Variants in RNF212B observed in about 807,000 individuals in gnomAD.
RNF212B encodes ring finger protein 212B.
Under a neutral mutation model 55.5 loss-of-function variants are expected in RNF212B, and 52 were observed. That is an observed-to-expected ratio of 0.94 (90% CI 0.75 to 1.18). RNF212B has a LOEUF of 1.18. Among genes scored for constraint, RNF212B ranks in the 50% most tolerant of loss-of-function variants. RNF212B has a pLI of 0.00. For synonymous variants in RNF212B, 99 were observed against 121.4 expected (o/e 0.82, Z 1.21); for missense variants, 289 against 350.4 (o/e 0.82, Z 1.40).
At chr14:23,236,555 AAAC>A (rs889945097), upstream of RNF212B, among the ~76,000 whole-genome samples, 85 of 152,218 alleles carry the variant, frequency 5.6e-4, no homozygotes, top group African/African-American at 1.9e-3. Flanking sequence ...AAAAAACCCC[AAAC>A]AACAACAACA....
At chr14:23,230,511 G>C (rs967173226) in intron 2 of RNF212B, among the ~76,000 whole-genome samples, 12 of 151,818 alleles carry the variant, frequency 7.9e-5, no homozygotes, top group Non-Finnish European at 1.5e-4. Flanking sequence ...AAAATTAGCC[G>C]GGTGTGGTGG....
At chr14:23,263,810 G>A (rs1488907496) in intron 9 of RNF212B, among the ~76,000 whole-genome samples, 1 of 152,190 alleles carries the variant, frequency 6.6e-6, no homozygotes, top group Non-Finnish European at 1.5e-5. Flanking sequence ...TTCTGAGGCT[G>A]GGTACAGTAG....
chr14:23,266,053 T>C (rs575347255), intron 11 of RNF212B, among the ~76,000 whole-genome samples: 10 of 151,734 alleles, frequency 6.6e-5, no homozygotes, highest in Non-Finnish European at 1.3e-4. Flanking sequence ...CTCAGCTCAC[T>C]GCCACCTTCG....
At chr14:23,236,697 T>G (rs147165592), upstream of RNF212B, among the ~76,000 whole-genome samples, 1,940 of 152,198 alleles carry the variant, frequency 0.013, 45 homozygotes, top group African/African-American at 0.044. Flanking sequence ...GCAATTTACA[T>G]AAACAAAAGC....
intron 2 of RNF212B, among the ~76,000 whole-genome samples, chr14:23,226,366 C>A (rs1161807671): frequency 6.6e-6 from 1 of 151,404 alleles, no homozygotes; most frequent in Non-Finnish European, 1.5e-5. Flanking sequence ...CGCGGTGGCT[C>A]ACGCCTGTAA....
chr14:23,193,075 A>G (rs1355878370), intron 1 of RNF212B, among the ~76,000 whole-genome samples: 1 of 139,900 alleles, frequency 7.1e-6, no homozygotes, highest in African/African-American at 2.7e-5. Flanking sequence ...CTGGGCAACA[A>G]GAGAAAAACT....
At chr14:23,264,702 C>T (rs1885549484) in intron 11 of RNF212B, 31 bp downstream of exon 11, 1 of 1,240,406 alleles carries the variant, frequency 8.1e-7, no homozygotes, top group African/African-American at 1.5e-5. Flanking sequence ...TGTCAGAAAT[C>T]AACTTACTCT....
upstream of RNF212B, among the ~76,000 whole-genome samples, chr14:23,233,567 A>C (rs1223635560): frequency 2.7e-5 from 4 of 147,240 alleles, no homozygotes; most frequent in Non-Finnish European, 4.5e-5. Context: ...CTCTACAAAA[A>C]AAAAAAAAAA....
intron 1 of RNF212B, among the ~76,000 whole-genome samples, chr14:23,187,479 G>T (rs1594849830): frequency 6.6e-6 from 1 of 152,244 alleles, no homozygotes; most frequent in East Asian, 1.9e-4. Flanking sequence ...CTCCCGAGTA[G>T]CTGGGACTAC....
intron 2 of RNF212B, among the ~76,000 whole-genome samples, chr14:23,241,507 T>C (rs2140436964): frequency 6.6e-6 from 1 of 152,152 alleles, no homozygotes; most frequent in East Asian, 2.0e-4. Context: ...CACTGCAACC[T>C]CTGCTTCCCA....
intron 4 of RNF212B, 89 bp downstream of exon 4, chr14:23,244,485 C>T (rs1883850051): frequency 1.5e-6 from 1 of 660,438 alleles, no homozygotes; most frequent in African/African-American, 1.8e-5. Flanking sequence ...CTTTAAACTG[C>T]ATTTGTACAC....
intron 1 of RNF212B, among the ~76,000 whole-genome samples, chr14:23,187,840 A>G (rs867494887): frequency 2.0e-5 from 3 of 152,136 alleles, no homozygotes; most frequent in South Asian, 2.1e-4. Context: ...ATCACTGCCT[A>G]TGGTCGATTA....
At chr14:23,266,453 C>T (rs190810588) in intron 11 of RNF212B, among the ~76,000 whole-genome samples, 11 of 88,022 alleles carry the variant, frequency 1.2e-4, no homozygotes, top group African/African-American at 6.9e-4. Flanking sequence ...TTCTTGTTGC[C>T]CAGGCTGGAG....
chr14:23,199,604 C>G (rs1160451190), intron 2 of RNF212B, among the ~76,000 whole-genome samples: 1 of 152,102 alleles, frequency 6.6e-6, no homozygotes, highest in African/African-American at 2.4e-5. Flanking sequence ...TTCATTTGAT[C>G]TCTCATGGCA....
upstream of RNF212B, among the ~76,000 whole-genome samples, chr14:23,237,100 G>GACT (rs538263370): frequency 2.5e-3 from 375 of 150,416 alleles, no homozygotes; most frequent in African/African-American, 8.8e-3. Context: ...AAGTAGCTGG[G>GACT]ACTACGGGCA....
chr14:23,226,474 C>CA (rs1566410382), intron 2 of RNF212B, among the ~76,000 whole-genome samples: 1 of 151,340 alleles, frequency 6.6e-6, no homozygotes, highest in African/African-American at 2.4e-5. Context: ...ACTAAAAATA[C>CA]AAAAAAATTA....
At chr14:23,213,458 T>C (rs1880750172) in intron 2 of RNF212B, among the ~76,000 whole-genome samples, 1 of 152,180 alleles carries the variant, frequency 6.6e-6, no homozygotes, top group Non-Finnish European at 1.5e-5. Flanking sequence ...TTCAATGCAT[T>C]TCCAATAAAA....
intron 10 of RNF212B, 137 bp downstream of exon 10, chr14:23,264,371 C>A: frequency 1.3e-6 from 1 of 751,750 alleles, no homozygotes. Context: ...TTTCTTTTGG[C>A]AATGGAGACC....
intron 14 of RNF212B, among the ~76,000 whole-genome samples, chr14:23,271,090 C>T (rs145213380): frequency 0.012 from 1,842 of 152,136 alleles, 25 homozygotes; most frequent in South Asian, 0.072. Context: ...ATTCTGATTC[C>T]AGCAACAAAA....
Sources: allele counts gnomAD v4.1 joint callset (sites outside exome capture counted in the v4.1 genomes callset), GRCh38; gene constraint gnomAD v4.1.1; transcripts MANE v1.5; gene names NCBI Gene and HGNC (gene_info 2026-07-23, HGNC 2026-07-21).